ARHGEF4: variants seen among roughly 807,000 people sequenced by gnomAD.
The protein encoded by ARHGEF4 is APC-stimulated guanine nucleotide exchange factor 1.
ARHGEF4 carries 119 observed loss-of-function variants against 162.0 expected under a neutral mutation model. The ratio of observed to expected loss-of-function variants is 0.73; its 90% confidence interval spans 0.63 to 0.86. ARHGEF4 has a LOEUF of 0.86. Among genes scored for constraint, ARHGEF4 ranks in the 40% least tolerant of loss-of-function variants. The probability of loss-of-function intolerance (pLI) is 0.00; values close to 1 mark genes in which losing one functional copy is unlikely to be tolerated. For synonymous variants in ARHGEF4, 1,014 were observed against 979.9 expected (o/e 1.03, Z -0.65); for missense variants, 2,488 against 2,456.0 (o/e 1.01, Z -0.28).
Position 131,046,440 on chromosome 2 carries a change from A to G in ARHGEF4, c.*251A>G. The G allele has an allele frequency of 1.2e-5, 6 of 517,790 alleles. No homozygotes were observed. The East Asian group carries it at 2.0e-4, about 17-fold the overall frequency. 32.1% of individuals were successfully genotyped at this position (517,790 alleles called of 1,614,324 possible). On this transcript the variant is annotated 3_prime_UTR_variant, in exon 14 of 14. Coordinates refer to ENST00000409359, the MANE Select transcript of ARHGEF4 (RefSeq NM_001367493.1). ...ACACCGCCGCTGCAGCTTGGGCCCCATCCGCCCTCTGGACCTGTGTAGGGC... is the reference window on the plus strand; with the variant it reads ...ACACCGCCGCTGCAGCTTGGGCCCCGTCCGCCCTCTGGACCTGTGTAGGGC...
intron 4 of ARHGEF4, among the ~76,000 whole-genome samples, chr2:131,020,634 T>C (rs951035759): frequency 1.3e-5 from 2 of 152,174 alleles, no homozygotes; most frequent in African/African-American, 4.8e-5. Context: ...CTATTGTGAA[T>C]AGTGCTGCAA....
chr2:130,897,801 C>T (rs1026095499), intron 1 of ARHGEF4, among the ~76,000 whole-genome samples: 2 of 152,258 alleles, frequency 1.3e-5, no homozygotes, highest in South Asian at 4.2e-4. Context: ...AAAGTCTTTT[C>T]ATTTTTCTAA....
At chr2:131,045,302 G>C in intron 12 of ARHGEF4, 67 bp from the exon 13 acceptor site, 1 of 1,399,984 alleles carries the variant, frequency 7.1e-7, no homozygotes, top group Non-Finnish European at 1.0e-6. Context: ...GGAAGGTGCA[G>C]GTGTGCAGGG....
At chr2:130,998,629 T>C (rs1687557500) in intron 4 of ARHGEF4, among the ~76,000 whole-genome samples, 1 of 152,252 alleles carries the variant, frequency 6.6e-6, no homozygotes, top group Non-Finnish European at 1.5e-5. Context: ...GTGTCTTTTA[T>C]GGCTTCATAG....
At position 130,948,121 on chromosome 2, in the gene ARHGEF4, C is replaced by T. The variant is rs142015387; in HGVS notation, c.3985+1486C>T. Among the ~76,000 whole-genome samples the T allele has an allele frequency of 3.1e-3, 469 of 152,248 alleles. 2 individuals are homozygous for T. Among genetic ancestry groups the T allele is most frequent in the Non-Finnish European group, 5.2e-3 (355 of 68,022 alleles). ...AGGATGACGGTGCATGATGGTTGGC[C>T]CTGAATGCTGGAGTTTGGCATGTGC... On this transcript the variant is annotated intron_variant, in intron 4 of 13. Transcript: ENST00000409359.
intron 1 of ARHGEF4, among the ~76,000 whole-genome samples, chr2:130,905,367 C>G (rs1333941111): frequency 6.6e-6 from 1 of 152,026 alleles, no homozygotes; most frequent in East Asian, 1.9e-4. Context: ...TGAATCTTTC[C>G]TTAAGTTAGA....
At chr2:130,870,029 A>C (rs1678354644) in intron 1 of ARHGEF4, among the ~76,000 whole-genome samples, 1 of 152,172 alleles carries the variant, frequency 6.6e-6, no homozygotes, top group African/African-American at 2.4e-5. Flanking sequence ...TTCTGGGTAC[A>C]TCTGCTGAAG....
chr2:130,874,142 C>A (rs746085391), intron 1 of ARHGEF4, among the ~76,000 whole-genome samples: 6 of 152,168 alleles, frequency 3.9e-5, no homozygotes, highest in Non-Finnish European at 7.3e-5. Context: ...AGCGACTCAC[C>A]CCACGCTGGG....
chr2:130,977,476 T>C (rs1208272652), intron 4 of ARHGEF4, among the ~76,000 whole-genome samples: 1 of 151,966 alleles, frequency 6.6e-6, no homozygotes, highest in Non-Finnish European at 1.5e-5. Context: ...ATGTTGTGTG[T>C]GCTTTGTGTG....
intron 1 of ARHGEF4, among the ~76,000 whole-genome samples, chr2:130,840,814 A>T (rs996287379): frequency 6.6e-6 from 1 of 152,150 alleles, no homozygotes; most frequent in African/African-American, 2.4e-5. Context: ...ACCAGCCCTC[A>T]ATGGTGCCGG....
chr2:130,879,023 G>A (rs1021975959), intron 1 of ARHGEF4, among the ~76,000 whole-genome samples: 2 of 152,238 alleles, frequency 1.3e-5, no homozygotes, highest in Admixed American at 6.5e-5. Context: ...CTACGGCTCA[G>A]GCAGAGGCTC....
At chr2:131,014,941 G>A (rs75164823) in intron 4 of ARHGEF4, among the ~76,000 whole-genome samples, 1,776 of 152,158 alleles carry the variant, frequency 0.012, 31 homozygotes, top group African/African-American at 0.041. Flanking sequence ...ACTGAGAGAC[G>A]GGGAGCAGTT....
At chr2:130,908,608 G>A (rs894730061) in intron 1 of ARHGEF4, among the ~76,000 whole-genome samples, 2 of 152,068 alleles carry the variant, frequency 1.3e-5, no homozygotes, top group South Asian at 2.1e-4. Context: ...CCCGGGAGGT[G>A]GACGTTGGAG....
At chr2:130,865,474 T>C (rs1682205423) in intron 1 of ARHGEF4, among the ~76,000 whole-genome samples, 1 of 152,144 alleles carries the variant, frequency 6.6e-6, no homozygotes, top group African/African-American at 2.4e-5. Flanking sequence ...CTCAGGTCGT[T>C]CCTCCCACGT....
At chr2:130,842,877 T>C (rs549027101) in intron 1 of ARHGEF4, among the ~76,000 whole-genome samples, 79 of 152,216 alleles carry the variant, frequency 5.2e-4, no homozygotes, top group Non-Finnish European at 9.7e-4. Context: ...TCTTGGCAGG[T>C]TGGGGGTAGC....
At chr2:130,958,141 C>G (rs1014701601) in intron 4 of ARHGEF4, among the ~76,000 whole-genome samples, 8 of 152,088 alleles carry the variant, frequency 5.3e-5, no homozygotes, top group African/African-American at 1.9e-4. Flanking sequence ...GACTAAGCCT[C>G]AGCAACAGGT....
intron 3 of ARHGEF4, among the ~76,000 whole-genome samples, chr2:130,945,659 A>G (rs990520521): frequency 6.6e-6 from 1 of 152,096 alleles, no homozygotes; most frequent in African/African-American, 2.4e-5. Flanking sequence ...CAAGAAACTC[A>G]CCACAGGATC....
At chr2:130,900,676 C>A (rs1382567988) in intron 1 of ARHGEF4, among the ~76,000 whole-genome samples, 4 of 152,082 alleles carry the variant, frequency 2.6e-5, no homozygotes, top group African/African-American at 9.7e-5. Flanking sequence ...TCTGGTTCTT[C>A]TCAGTGTTGG....
chr2:130,929,758 A>AGT (rs774684899), intron 2 of ARHGEF4: 10 of 199,934 alleles, frequency 5.0e-5, no homozygotes, highest in Non-Finnish European at 9.6e-5. Context: ...GTACAACTGG[A>AGT]GTAGAGTGTT....
Sources: allele counts gnomAD v4.1 joint callset (sites outside exome capture counted in the v4.1 genomes callset), GRCh38; gene constraint gnomAD v4.1.1; transcripts MANE v1.5; gene names NCBI Gene and HGNC (gene_info 2026-07-23, HGNC 2026-07-21).